GAS6: variants seen among roughly 807,000 people sequenced by gnomAD.
GAS6 encodes the protein growth arrest specific 6, also known as growth arrest-specific protein 6.
GAS6 carries 41 observed loss-of-function variants against 75.8 expected under a neutral mutation model. The ratio of observed to expected loss-of-function variants is 0.54; its 90% CI spans 0.42 to 0.70. GAS6 has a LOEUF of 0.70. Ranked by LOEUF, GAS6 falls within the 30% of genes least tolerant of loss-of-function variation. The probability of loss-of-function intolerance (pLI) is 0.00; values close to 1 mark genes in which losing one functional copy is unlikely to be tolerated. For synonymous variants in GAS6, 432 were observed against 412.6 expected, an observed-to-expected ratio of 1.05 and a Z score of -0.57; for missense variants, 854 against 940.2, an observed-to-expected ratio of 0.91 and a Z score of 1.20.
chr13:113,823,927 C>A (rs138998740), intron 12 of GAS6, among the ~76,000 whole-genome samples: 1 of 152,346 alleles, frequency 6.6e-6, no homozygotes, highest in African/African-American at 2.4e-5. Context: ...TCAGAGCGTG[C>A]GTGGCCTCGT....
rs534528908 is a variant in GAS6 at position 113,863,424 on chromosome 13, G to A, written c.255+151C>T. 1.5e-6 allele frequency: 1 copy of A among 677,614 alleles called. No individual in the cohort carries two copies. The highest frequency in any genetic ancestry group is 4.3e-5 in the South Asian group (1 of 23,058). 42.0% of individuals were successfully genotyped at this position (677,614 alleles called of 1,614,324 possible). A position where few individuals can be genotyped will look rare whatever the true frequency, so the allele number is the denominator to read the frequency against. ...CCCGGGGTCGCCGGGGGATGGGCGT[G>A]GGGGACGCGGGGCGGGCCGGGGCTC... On this transcript the variant is annotated intron_variant, in intron 2 of 14. Coordinates refer to ENST00000327773, the MANE Select transcript of GAS6 (RefSeq NM_000820.4). This position sits in a 1 kb window ranked among gnomAD's most constrained non-coding sequence, Gnocchi z 9.4.
At position 113,822,101 on chromosome 13, in the gene GAS6, G is replaced by A. The variant is rs79807310; in HGVS notation, c.1739C>T (p.Ser580Leu). 1.3e-3 allele frequency: 2,049 copies of A among 1,600,146 alleles called. 21 individuals are homozygous for A. The African/African-American group carries it at 0.021, about 17-fold the overall frequency. ...CDGQEHVVTVSLRDGEATLEV... is the reference protein window; with the variant it reads ...CDGQEHVVTVLLRDGEATLEV... ...CAGGGTGGCCTCACCGTCCCTCAGC[G>A]AGACGGTGACCACGTGCTCTTGGCC... Residue 580 changes from serine (S) to leucine (L), a missense_variant, in exon 14 of 15, where the codon TCG becomes TTG. Transcript: ENST00000327773.
chr13:113,821,895 G>A (rs1228180728), intron 14 of GAS6, 63 bp downstream of exon 14: 2 of 1,329,498 alleles, frequency 1.5e-6, no homozygotes, highest in Non-Finnish European at 1.0e-6. Flanking sequence ...TTAGATCTGG[G>A]GTGACCAAGC....
At position 113,832,336 on chromosome 13, in the gene GAS6, C is replaced by T. The variant is rs1454873915; in HGVS notation, c.1106G>A (p.Ser369Asn). ...LRYNGVGRVT[S>N]SGPVINHGMW... is the part of the protein sequence containing the mutation. ...GCCATGGTTGATGACCGGGCCGCTGCTGGTGACACGGCCGACACCGTTGTA... is the reference window on the plus strand; with the variant it reads ...GCCATGGTTGATGACCGGGCCGCTGTTGGTGACACGGCCGACACCGTTGTA... The change falls in exon 10 of 15, where the codon AGC becomes AAC. Residue 369 changes from serine to asparagine, a missense_variant. Ser to Asn is a conservative substitution (Grantham distance 46, BLOSUM62 1). Transcript: ENST00000327773. The T allele has an allele frequency of 6.2e-7, 1 of 1,603,472 alleles. No individual in the cohort carries two copies. Among genetic ancestry groups the T allele is most frequent in the Non-Finnish European group, 8.5e-7 (1 of 1,179,840 alleles).
chr13:113,839,639 G>C lies in GAS6; in HGVS notation c.466+89C>G, dbSNP rs114481867. 6,642 of 1,527,258 alleles carry C rather than the reference G, an allele frequency of 4.3e-3. 221 individuals carry two copies. The African/African-American group carries it at 0.079, about 18-fold the overall frequency. The allele number at this position is 1,527,258 out of a possible 1,614,324, so 94.6% of individuals were successfully genotyped here. A position where few individuals can be genotyped will look rare whatever the true frequency, so the allele number is the denominator to read the frequency against. On this transcript the variant is annotated intron_variant, in intron 5 of 14. Coordinates refer to ENST00000327773, the MANE Select transcript of GAS6 (RefSeq NM_000820.4). ...GCTGTCGGAGAGCAGCCTGAGGATG[G>C]CCGTGCCCCGGAGTGGGAGTGAGGA...
At position 113,821,810 on chromosome 13, in the gene GAS6, C is replaced by G. The variant is rs568552734; in HGVS notation, c.1882+148G>C. 26 of 638,626 alleles carry G rather than the reference C, an allele frequency of 4.1e-5. No homozygotes were observed. The African/African-American group carries it at 4.2e-4, about 10-fold the overall frequency. 39.6% of individuals were successfully genotyped at this position (638,626 alleles called of 1,614,324 possible). ...GACACCATAATAGCCACTAACGACC[C>G]ACCTGGACTTCTCCTTCCTCTTAAA... On this transcript the variant is annotated intron_variant, in intron 14 of 14. Coordinates refer to ENST00000327773, the MANE Select transcript of GAS6 (RefSeq NM_000820.4).
In GAS6 at chr13:113,838,149, ATC is replaced by A. The variant is rs781476971; in HGVS notation, c.507_508del (p.Gln169HisfsTer8). ...GAAGCTACCCGGCTTGTTGTGGCAG[ATC>A]TGGAGGCAGCCCCCGTTCTCCTGGC... On this transcript the variant is annotated frameshift_variant, in exon 6 of 15. Coordinates refer to ENST00000327773, the MANE Select transcript of GAS6 (RefSeq NM_000820.4). 1.2e-6 allele frequency: 2 copies of A among 1,612,930 alleles called. No individual in the cohort carries two copies. The highest frequency in any genetic ancestry group is 1.7e-6 in the Non-Finnish European group (2 of 1,179,898).
intron 12 of GAS6, among the ~76,000 whole-genome samples, chr13:113,825,715 A>T (rs755632613): frequency 6.6e-6 from 1 of 152,248 alleles, no homozygotes; most frequent in Non-Finnish European, 1.5e-5. Context: ...GGAAGTCCAA[A>T]AATCAAGACT....
rs1336054288 is a variant in GAS6 at position 113,837,946 on chromosome 13, GC to G, written c.589+122del. 2.6e-6 allele frequency: 3 copies of G among 1,173,900 alleles called. No individual in the cohort carries two copies. The African/African-American group carries it at 4.6e-5, about 18-fold the overall frequency. The allele number at this position is 1,173,900 out of a possible 1,614,324, so 72.7% of individuals were successfully genotyped here. A position where few individuals can be genotyped will look rare whatever the true frequency, so the allele number is the denominator to read the frequency against. ...TGGGCTTGTGTAGTCTCTGCAGGAT[GC>G]CCCATCCCATCCAGAACCACAGGAA... On this transcript the variant is annotated intron_variant, in intron 6 of 14. Transcript: ENST00000327773. The surrounding 1 kb of genome is among the most constrained non-coding windows in gnomAD (Gnocchi z 5.1).
At chr13:113,846,870 G>C (rs2051837945) in intron 3 of GAS6, 3 of 505,826 alleles carry the variant, frequency 5.9e-6, no homozygotes, top group South Asian at 2.0e-5. Flanking sequence ...TGCCATACGG[G>C]AGAATCACCG....
chr13:113,832,942 C>T, intron 8 of GAS6, 190 bp from the exon 9 acceptor site: 1 of 1,477,724 alleles, frequency 6.8e-7, no homozygotes, highest in South Asian at 1.3e-5. Context: ...GAAGGGCGGG[C>T]TTGCAGCAGC....
chr13:113,840,850 G>A (rs570087251), intron 4 of GAS6: 11 of 152,376 alleles, frequency 7.2e-5, no homozygotes, highest in Admixed American at 4.6e-4. Context: ...GGGAACCCTG[G>A]GTAGGGCCCC....
chr13:113,847,865 TTG>T (rs1359535889), intron 3 of GAS6, 159 bp downstream of exon 3: 2 of 703,990 alleles, frequency 2.8e-6, no homozygotes, highest in African/African-American at 3.6e-5. Context: ...AGAGAGAAAC[TTG>T]TGTTTCTGAC....
Position 113,837,472 on chromosome 13 carries a change from G to A in GAS6, c.589+597C>T, listed in dbSNP as rs2051729412. On this transcript the variant is annotated intron_variant, in intron 6 of 14. Transcript: ENST00000327773. This position sits in a 1 kb window ranked among gnomAD's most constrained non-coding sequence, Gnocchi z 5.1. ...CAACGTGGGGAGGGAGGAGGAAGGTGCTCCCCCTGCAAAGTGGCAAAGGGC... is the reference window on the plus strand; with the variant it reads ...CAACGTGGGGAGGGAGGAGGAAGGTACTCCCCCTGCAAAGTGGCAAAGGGC... Among the ~76,000 whole-genome samples, 1 of 152,130 alleles carries A rather than the reference G, an allele frequency of 6.6e-6. No homozygotes were observed. The highest frequency in any genetic ancestry group is 2.4e-5 in the African/African-American group (1 of 41,408).
At chr13:113,851,036 A>G (rs888226950) in intron 2 of GAS6, among the ~76,000 whole-genome samples, 2 of 151,666 alleles carry the variant, frequency 1.3e-5, no homozygotes, top group African/African-American at 4.9e-5. Flanking sequence ...GGAATGAATG[A>G]ATGGATGAGT....
At chr13:113,847,133 C>G (rs1331999267) in intron 3 of GAS6, 1 of 333,550 alleles carries the variant, frequency 3.0e-6, no homozygotes, top group South Asian at 2.3e-5. Context: ...CGGGGCCTCT[C>G]GACCTGGCCC....
chr13:113,824,865 G>A (rs7400722), intron 12 of GAS6, among the ~76,000 whole-genome samples: 74,854 of 151,844 alleles, frequency 0.49, 19,491 homozygotes, highest in African/African-American at 0.66. Flanking sequence ...ACAACAAAAA[G>A]TCTCCTGTTT....
chr13:113,833,570 G>GGTGTGACAAGTCA, intron 8 of GAS6: 1 of 905,684 alleles, frequency 1.1e-6, no homozygotes, highest in South Asian at 5.5e-5. Context: ...CATTCCTACC[G>GGTGTGACAAGTCA]GTGTGACAGG....
Position 113,834,545 on chromosome 13 carries a change from G to A in GAS6, c.834+6C>T, listed in dbSNP as rs764370001. 12 of 1,560,100 alleles carry A rather than the reference G, an allele frequency of 7.7e-6. No homozygotes were observed. In the Admixed American group the frequency reaches 8.0e-5, roughly 10 times the overall value. The stretch of plus-strand genomic sequence containing the variant: ...TGAAGGGCCCGCGGGGCCAGGGGCC[G>A]CCTACCTCACAGGTGTCCATGTCCT... On this transcript the variant is annotated splice_donor_region_variant and intron_variant, in intron 8 of 14. Transcript: ENST00000327773.
Sources: allele counts gnomAD v4.1 joint callset (sites outside exome capture counted in the v4.1 genomes callset), GRCh38; gene constraint gnomAD v4.1.1; non-coding constraint Gnocchi (gnomAD v3.1); transcripts MANE v1.5; gene names NCBI Gene and HGNC (gene_info 2026-07-23, HGNC 2026-07-21).